The following GALNT13 variants were observed in gnomAD, a reference collection of about 807,000 sequenced individuals.
The protein encoded by GALNT13 is polypeptide N-acetylgalactosaminyltransferase 13.
GALNT13 carries 28 observed loss-of-function variants against 64.2 expected under a neutral mutation model. That is an observed-to-expected ratio of 0.44 (90% CI 0.32 to 0.60). The LOEUF is 0.60. Among genes scored for constraint, GALNT13 ranks in the 20% least tolerant of loss-of-function variants. The pLI, the probability that GALNT13 is intolerant of heterozygous loss-of-function variation, is 0.05. For missense variants in GALNT13, 577 were observed against 669.8 expected (o/e 0.86, Z 1.53); for synonymous variants, 214 against 224.6 (o/e 0.95, Z 0.42).
At chr2:153,560,298 T>C in the GALNT13 span, among the ~76,000 whole-genome samples, 1 of 152,092 alleles carries the variant, frequency 6.6e-6, no homozygotes, top group South Asian at 2.1e-4. Context: ...CAAAGGTACA[T>C]ACATGTTTTA....
the GALNT13 span, among the ~76,000 whole-genome samples, chr2:153,719,264 A>G: frequency 1.3e-5 from 2 of 151,924 alleles, no homozygotes; most frequent in South Asian, 2.1e-4. Flanking sequence ...AATTCCTACT[A>G]CATAAAGATA....
chr2:153,775,064 G>T, the GALNT13 span, among the ~76,000 whole-genome samples: 5 of 152,274 alleles, frequency 3.3e-5, no homozygotes, highest in African/African-American at 9.6e-5. Flanking sequence ...ATTATAGAAA[G>T]ATACATATTG....
At chr2:153,581,779 G>A in the GALNT13 span, among the ~76,000 whole-genome samples, 1 of 151,996 alleles carries the variant, frequency 6.6e-6, no homozygotes, top group Admixed American at 6.6e-5. Flanking sequence ...CCAAAGACCT[G>A]GATTTTGCTC....
intron 1 of GALNT13, among the ~76,000 whole-genome samples, chr2:153,883,582 G>T (rs1029267250): frequency 6.6e-6 from 1 of 152,110 alleles, no homozygotes; most frequent in African/African-American, 2.4e-5. Context: ...GACATGGCAT[G>T]ATGGCTATGT....
At chr2:153,798,600 C>A in the GALNT13 span, among the ~76,000 whole-genome samples, 1 of 152,052 alleles carries the variant, frequency 6.6e-6, no homozygotes, top group Non-Finnish European at 1.5e-5. Flanking sequence ...AAGATACAAC[C>A]AATTACCTCC....
At chr2:153,441,184 A>G in the GALNT13 span, among the ~76,000 whole-genome samples, 4 of 152,096 alleles carry the variant, frequency 2.6e-5, no homozygotes, top group Non-Finnish European at 4.4e-5. Context: ...AGTTTTCCCA[A>G]TGACATTTAT....
chr2:153,741,109 C>A, the GALNT13 span, among the ~76,000 whole-genome samples: 4 of 152,052 alleles, frequency 2.6e-5, no homozygotes, highest in Admixed American at 2.6e-4. Flanking sequence ...TTCTTCTATC[C>A]ATATTTCCTA....
At chr2:153,432,310 C>A in the GALNT13 span, among the ~76,000 whole-genome samples, 1 of 152,012 alleles carries the variant, frequency 6.6e-6, no homozygotes, top group Admixed American at 6.6e-5. Flanking sequence ...GTTGCTGTTA[C>A]CACCAGTGGA....
At chr2:153,383,508 C>T in the GALNT13 span, among the ~76,000 whole-genome samples, 433 of 152,060 alleles carry the variant, frequency 2.8e-3, 1 homozygote, top group Admixed American at 5.1e-3. Context: ...GAGTTAAGTT[C>T]GTACCTGAAA....
chr2:153,068,473 C>T, the GALNT13 span, among the ~76,000 whole-genome samples: 2 of 151,948 alleles, frequency 1.3e-5, no homozygotes, highest in South Asian at 4.2e-4. Flanking sequence ...TTTAATAATC[C>T]ATCATTTTTC....
chr2:154,155,086 T>A (rs960285685), intron 4 of GALNT13, among the ~76,000 whole-genome samples: 1 of 152,016 alleles, frequency 6.6e-6, no homozygotes, highest in African/African-American at 2.4e-5. Flanking sequence ...ATTATTGTTA[T>A]CTTCAGAGGC....
chr2:153,410,078 C>A, the GALNT13 span, among the ~76,000 whole-genome samples: 1 of 152,146 alleles, frequency 6.6e-6, no homozygotes, highest in Non-Finnish European at 1.5e-5. Flanking sequence ...CTTCAAAGTC[C>A]TAAATGAAAA....
At chr2:153,383,112 T>A in the GALNT13 span, among the ~76,000 whole-genome samples, 1 of 152,088 alleles carries the variant, frequency 6.6e-6, no homozygotes, top group Non-Finnish European at 1.5e-5. Flanking sequence ...TAGTAGTGAA[T>A]TCACAAACTA....
intron 3 of GALNT13, among the ~76,000 whole-genome samples, chr2:154,136,417 A>G (rs1400205025): frequency 2.6e-5 from 4 of 152,138 alleles, no homozygotes; most frequent in Non-Finnish European, 5.9e-5. Context: ...GCTTTTTCCT[A>G]GATATAGACT....
At chr2:153,196,699 C>G in the GALNT13 span, among the ~76,000 whole-genome samples, 2 of 152,138 alleles carry the variant, frequency 1.3e-5, no homozygotes, top group Admixed American at 6.5e-5. Context: ...GCCTGCCCCT[C>G]TGCCCAACCG....
the GALNT13 span, among the ~76,000 whole-genome samples, chr2:153,525,870 C>T: frequency 6.6e-6 from 1 of 152,198 alleles, no homozygotes; most frequent in South Asian, 2.1e-4. Context: ...CACAAGCTGA[C>T]TGAGGAGCCC....
At chr2:154,165,835 G>T (rs1038040624) in intron 4 of GALNT13, among the ~76,000 whole-genome samples, 1 of 152,168 alleles carries the variant, frequency 6.6e-6, no homozygotes, top group African/African-American at 2.4e-5. Flanking sequence ...GCTATTAGCT[G>T]AACTCAGTAG....
chr2:153,718,305 G>T, the GALNT13 span, among the ~76,000 whole-genome samples: 1 of 151,960 alleles, frequency 6.6e-6, no homozygotes, highest in South Asian at 2.1e-4. Flanking sequence ...TTGATCCAAA[G>T]CCAGGACACA....
chr2:154,401,671 G>C (rs2194380), intron 10 of GALNT13, among the ~76,000 whole-genome samples: 99,352 of 152,056 alleles, frequency 0.65, 33,008 homozygotes, highest in Admixed American at 0.73. Context: ...TGTATTGGCA[G>C]AAACAGCTGC....
Sources: allele counts gnomAD v4.1 joint callset (sites outside exome capture counted in the v4.1 genomes callset), GRCh38; gene constraint gnomAD v4.1.1; transcripts MANE v1.5; gene names NCBI Gene and HGNC (gene_info 2026-07-23, HGNC 2026-07-21).